The following SLC4A5 variants were observed in gnomAD, a reference collection of about 807,000 sequenced individuals.
SLC4A5 encodes the protein solute carrier family 4 member 5, also known as electrogenic sodium bicarbonate cotransporter 4.
A neutral mutation model predicts 120.4 loss-of-function variants in SLC4A5; 96 were observed. The observed-to-expected ratio is 0.80, with a 90% CI of 0.68 to 0.94. SLC4A5 has a LOEUF of 0.94. Among genes scored for constraint, SLC4A5 ranks in the 40% least tolerant of loss-of-function variants. The probability of loss-of-function intolerance (pLI) is 0.00; values close to 1 mark genes in which losing one functional copy is unlikely to be tolerated. For synonymous variants in SLC4A5, 550 were observed against 571.1 expected (o/e 0.96, Z 0.53); for missense variants, 1,259 against 1,459.5 (o/e 0.86, Z 2.24).
At chr2:74,252,279 C>T (rs778824166) in exon 16 of SLC4A5, 10 of 1,611,572 alleles carry the variant, frequency 6.2e-6, no homozygotes, top group Admixed American at 5.0e-5. Context: ...CCAGCCCCGC[C>T]GCCACTGCCA....
chr2:74,280,610 G>C (rs1234136825), intron 8 of SLC4A5, among the ~76,000 whole-genome samples: 1 of 152,164 alleles, frequency 6.6e-6, no homozygotes, highest in African/African-American at 2.4e-5. Context: ...CAGATGGGTG[G>C]TGAGACCAGA....
chr2:74,304,788 G>A (rs1672589397), intron 6 of SLC4A5, 108 bp from the exon 7 acceptor site: 3 of 1,086,456 alleles, frequency 2.8e-6, no homozygotes, highest in East Asian at 2.6e-5. Flanking sequence ...CAAAATGGAA[G>A]ACATGGAGTG....
At position 74,254,722 on chromosome 2, in the gene SLC4A5, A is replaced by G. The variant is rs749510094; in HGVS notation, c.1026-16T>C. On this transcript the variant is annotated splice_polypyrimidine_tract_variant and intron_variant, in intron 13 of 30. Transcript: ENST00000394019. ...AAACAGAAATCTGCAAAGAAGATGG[A>G]GGAGGAGACAGAGAAGATTAAGGAA... 5 of 1,560,694 alleles carry G rather than the reference A, an allele frequency of 3.2e-6. No individual in the cohort carries two copies. In the South Asian group the frequency reaches 4.4e-5, roughly 14 times the overall value.
At chr2:74,232,708 A>G (rs1336093672) in intron 23 of SLC4A5, 61 bp from the exon 24 acceptor site, 1 of 1,580,306 alleles carries the variant, frequency 6.3e-7, no homozygotes, top group Non-Finnish European at 8.6e-7. Flanking sequence ...CCTGGATGCA[A>G]CCATTCTGTG....
chr2:74,264,332 G>T (rs752046942), intron 9 of SLC4A5, 33 bp from the exon 10 acceptor site: 2 of 1,600,012 alleles, frequency 1.2e-6, no homozygotes, highest in African/African-American at 2.7e-5. Context: ...TCATCCCTGT[G>T]GGACAGAACA....
intron 19 of SLC4A5, among the ~76,000 whole-genome samples, chr2:74,243,431 G>A (rs1573018701): frequency 6.6e-6 from 1 of 152,318 alleles, no homozygotes; most frequent in East Asian, 1.9e-4. Flanking sequence ...TCTTGACCCA[G>A]GGCAGAATAT....
rs571822881 is a variant in SLC4A5 at position 74,328,027 on chromosome 2, T to C, written c.-3+93A>G. ...CCTCTTCAGTGTGTGTGAAGCTTAC[T>C]CTTAAATACTCTGTGTTCATGCTAT... On this transcript the variant is annotated intron_variant, in intron 5 of 30. Transcript: ENST00000394019. 15 of 627,958 alleles carry C rather than the reference T, an allele frequency of 2.4e-5. No homozygotes were observed. In the East Asian group the frequency reaches 6.9e-4, roughly 29 times the overall value. The allele number at this position is 627,958 out of a possible 1,614,324, so 38.9% of individuals were successfully genotyped here.
chr2:74,255,925 T>C lies in SLC4A5; in HGVS notation c.875A>G (p.Asn292Ser). 1 of 1,613,606 alleles carries C rather than the reference T, an allele frequency of 6.2e-7. No homozygotes were observed. The highest frequency in any genetic ancestry group is 8.5e-7 in the Non-Finnish European group (1 of 1,179,592). Residue 292 changes from asparagine (N) to serine (S), a missense_variant, in exon 13 of 31, where the codon AAC becomes AGC. By Grantham distance (46) the Asn-to-Ser change is conservative. Coordinates refer to ENST00000394019, the Ensembl canonical transcript of SLC4A5. This position sits in a 1 kb window ranked among gnomAD's most constrained non-coding sequence, Gnocchi z 4.0. ...CTTGGGGATCTTCTTCATGAATTTG[T>C]TTTTCCGCTGGACAGGGAGGGGAAA...
At chr2:74,248,415 G>T in exon 18 of SLC4A5, 1 of 1,614,216 alleles carries the variant, frequency 6.2e-7, no homozygotes, top group South Asian at 1.1e-5. Flanking sequence ...TGAGAATGAT[G>T]AGAGGCTGTC....
chr2:74,259,538 T>G lies in SLC4A5; in HGVS notation c.867+50A>C, dbSNP rs1235262145. On this transcript the variant is annotated intron_variant, in intron 12 of 30. Coordinates refer to ENST00000394019, the Ensembl canonical transcript of SLC4A5. ...GATCCCTGCTCCTGAAACCAAAGAC[T>G]TTTTCCTGCCCTGGCCCTCCATTGC... is the stretch of plus-strand genomic sequence containing the variant. The G allele has an allele frequency of 3.8e-6, 6 of 1,598,692 alleles. No individual in the cohort carries two copies. The Admixed American group carries it at 1.0e-4, about 27-fold the overall frequency.
At chr2:74,299,907 T>C (rs1324817296) in intron 7 of SLC4A5, among the ~76,000 whole-genome samples, 1 of 152,190 alleles carries the variant, frequency 6.6e-6, no homozygotes, top group East Asian at 1.9e-4. Context: ...CTTGAAAAGA[T>C]ACCCACGTGC....
rs574854483 is a variant in SLC4A5 at position 74,227,390 on chromosome 2, G to A, written c.2917-260C>T. Reference sequence around the variant, plus strand: ...GACATTGTCCATATTCAGGGAAAGTGCAAGTTAATTGTAACACAAACTGTT... The same window carrying A: ...GACATTGTCCATATTCAGGGAAAGTACAAGTTAATTGTAACACAAACTGTT... On this transcript the variant is annotated intron_variant, in intron 26 of 30. Transcript: ENST00000394019. 1.1e-5 allele frequency: 15 copies of A among 1,355,572 alleles called. No individual in the cohort carries two copies. In the Admixed American group the frequency reaches 1.2e-4, roughly 11 times the overall value. 84.0% of individuals were successfully genotyped at this position (1,355,572 alleles called of 1,614,324 possible). A position where few individuals can be genotyped will look rare whatever the true frequency, so the allele number is the denominator to read the frequency against.
At position 74,247,811 on chromosome 2, in the gene SLC4A5, G is replaced by A. The variant is rs566275551; in HGVS notation, c.1788-504C>T. 5.4e-4 allele frequency among the ~76,000 whole-genome samples: 82 copies of A among 152,062 alleles called. 1 individual carries two copies. The highest frequency in any genetic ancestry group is 3.4e-3 in the Middle Eastern group (1 of 294). ...ATTGCAGGTGTGAGCCACCACGCCC[G>A]GCCAAAAAAAAATTTTTTTTAAAGA... On this transcript the variant is annotated intron_variant, in intron 18 of 30. Transcript: ENST00000394019.
chr2:74,319,454 C>T (rs1245988046), intron 5 of SLC4A5: 1 of 152,072 alleles, frequency 6.6e-6, no homozygotes, highest in African/African-American at 2.4e-5. Context: ...ATAAGCATGA[C>T]CCCTGTACAA....
chr2:74,266,194 G>A (rs1017036937), intron 8 of SLC4A5, among the ~76,000 whole-genome samples: 20 of 152,156 alleles, frequency 1.3e-4, no homozygotes, highest in South Asian at 2.1e-4. Flanking sequence ...TAATTAAAGC[G>A]GTGTGATTCC....
intron 7 of SLC4A5, chr2:74,290,838 G>A (rs1177067351): frequency 1.1e-5 from 9 of 852,282 alleles, no homozygotes; most frequent in Middle Eastern, 6.0e-4. Context: ...TTCCCCATGA[G>A]TGCTTCCTAT....
At chr2:74,252,904 G>A in intron 15 of SLC4A5, 70 bp downstream of exon 15, 3 of 1,552,650 alleles carry the variant, frequency 1.9e-6, no homozygotes, top group Middle Eastern at 1.7e-4. Flanking sequence ...GTATTTTAAA[G>A]AGAAATAAAA....
At chr2:74,217,379 T>A (rs1694477121) in exon 31 of SLC4A5, 1 of 152,192 alleles carries the variant, frequency 6.6e-6, no homozygotes, top group Admixed American at 6.5e-5. Context: ...GAGGAATAGG[T>A]TTGCTTCATT....
chr2:74,235,170 C>T (rs926747813), exon 22 of SLC4A5: 2 of 1,614,118 alleles, frequency 1.2e-6, no homozygotes, highest in Admixed American at 1.7e-5. Flanking sequence ...CACAGAACAT[C>T]AGGATGGAGA....
Sources: gnomAD v4.1 joint callset for allele counts (sites outside exome capture counted in the v4.1 genomes callset) on GRCh38, gnomAD v4.1.1 for gene constraint, Gnocchi (gnomAD v3.1) non-coding constraint, MANE v1.5 for transcripts, NCBI Gene and HGNC (gene_info 2026-07-23, HGNC 2026-07-21) for gene names.